JARID2: variants seen among roughly 807,000 people sequenced by gnomAD.
JARID2 encodes the protein protein Jumonji.
In JARID2, 21 loss-of-function variants were observed where a neutral mutation model predicts 125.6. The observed-to-expected ratio is 0.17, with a 90% CI of 0.12 to 0.24. The LOEUF is 0.24. JARID2 is among the 10% of genes least tolerant of loss of function. The pLI is 1.00. For synonymous variants in JARID2, 736 were observed against 661.6 expected, an observed-to-expected ratio of 1.11 and a Z score of -1.73; for missense variants, 1,303 against 1,639.6, an observed-to-expected ratio of 0.79 and a Z score of 3.55.
chr6:15,448,395 C>T (rs1186737139), intron 3 of JARID2, among the ~76,000 whole-genome samples: 5 of 152,080 alleles, frequency 3.3e-5, no homozygotes, highest in African/African-American at 7.2e-5. Flanking sequence ...TCTGTGTTTA[C>T]TTGTTTGTTT....
At chr6:15,471,634 CAG>C (rs1297580697) in intron 5 of JARID2, among the ~76,000 whole-genome samples, 3 of 152,128 alleles carry the variant, frequency 2.0e-5, no homozygotes, top group African/African-American at 7.2e-5. Context: ...CTTTGTTTTC[CAG>C]AGTGTTTGAG....
chr6:15,442,421 A>G (rs1767486577), intron 3 of JARID2, among the ~76,000 whole-genome samples: 1 of 152,216 alleles, frequency 6.6e-6, no homozygotes, highest in South Asian at 2.1e-4. Context: ...TTTTGGCCAG[A>G]TCCTGGCTGG....
rs529723741 is a variant in JARID2 at position 15,509,358 on chromosome 6, CAA to C, written c.2846+906_2846+907del. 355 of 985,378 alleles carry C rather than the reference CAA, an allele frequency of 3.6e-4. No homozygotes were observed. The African/African-American group carries it at 5.9e-3, about 16-fold the overall frequency. 61.0% of individuals were successfully genotyped at this position (985,378 alleles called of 1,614,324 possible). Reference sequence around the variant, plus strand: ...ATTAAACATTCTTTATTAAAATAAACAAAGTCTTAGGACTCGTGTTCTCCCTC... The same window carrying C: ...ATTAAACATTCTTTATTAAAATAAACAGTCTTAGGACTCGTGTTCTCCCTC... On this transcript the variant is annotated intron_variant, in intron 12 of 17. Coordinates refer to ENST00000341776, the MANE Select transcript of JARID2 (RefSeq NM_004973.4).
intron 2 of JARID2, chr6:15,401,152 TGC>T: frequency 3.0e-6 from 3 of 999,138 alleles, no homozygotes; most frequent in Non-Finnish European, 3.9e-6. Flanking sequence ...GATGGCAAGG[TGC>T]TATATATATA....
rs1164015845 is a variant in JARID2, at chr6:15,520,850, G to A, written c.*599G>A. 24 of 455,666 alleles carry A rather than the reference G, an allele frequency of 5.3e-5. No individual in the cohort carries two copies. Among genetic ancestry groups the A allele is most frequent in the Admixed American group, 4.9e-4 (21 of 42,542 alleles). The allele number at this position is 455,666 out of a possible 1,614,324, so 28.2% of individuals were successfully genotyped here. Reference sequence around the variant, plus strand: ...CGGACGTTGTTTCCTAACCATAGGTGGAACGAGGAGACGGGAGCGAGTGGG... The same window carrying A: ...CGGACGTTGTTTCCTAACCATAGGTAGAACGAGGAGACGGGAGCGAGTGGG... On this transcript the variant is annotated 3_prime_UTR_variant, in exon 18 of 18. Coordinates refer to ENST00000341776, the MANE Select transcript of JARID2 (RefSeq NM_004973.4).
chr6:15,377,307 T>G (rs961129174), intron 2 of JARID2, among the ~76,000 whole-genome samples: 11 of 152,010 alleles, frequency 7.2e-5, no homozygotes, highest in African/African-American at 2.7e-4. Context: ...AAAATGAGAT[T>G]TCGTGAGACT....
intron 5 of JARID2, among the ~76,000 whole-genome samples, chr6:15,485,263 A>C (rs1348159805): frequency 6.6e-6 from 1 of 152,210 alleles, no homozygotes; most frequent in Non-Finnish European, 1.5e-5. Context: ...ACAACCGATA[A>C]TCCAGATGGG....
chr6:15,430,786 T>C (rs1360840477), intron 3 of JARID2, among the ~76,000 whole-genome samples: 1 of 152,172 alleles, frequency 6.6e-6, no homozygotes, highest in African/African-American at 2.4e-5. Flanking sequence ...GAATGGTCTG[T>C]AGGGGCTGCT....
At chr6:15,384,240 C>T (rs934353850) in intron 2 of JARID2, among the ~76,000 whole-genome samples, 1 of 151,500 alleles carries the variant, frequency 6.6e-6, no homozygotes, top group Non-Finnish European at 1.5e-5. Flanking sequence ...GTGGGTGCCA[C>T]CACGCCCGGC....
chr6:15,299,217 A>G (rs958993242), intron 1 of JARID2, among the ~76,000 whole-genome samples: 1 of 152,202 alleles, frequency 6.6e-6, no homozygotes, highest in African/African-American at 2.4e-5. Context: ...GAGAAGGACC[A>G]AAGTCTTGTA....
rs750266791 is a variant in JARID2 at position 15,491,324 on chromosome 6, T to TGCCTTG, written c.906+3797_906+3802dup. The stretch of plus-strand genomic sequence containing the variant: ...CCAGGCATCTCTTTTAGAGCACATT[T>TGCCTTG]GCCTTGGCCTTGGCCTTGGCTAGGA... On this transcript the variant is annotated intron_variant, in intron 6 of 17. Transcript: ENST00000341776. 1.5e-3 allele frequency among the ~76,000 whole-genome samples: 229 copies of TGCCTTG among 152,348 alleles called. 4 individuals carry two copies. Among genetic ancestry groups the TGCCTTG allele is most frequent in the Admixed American group, 7.3e-3 (112 of 15,306 alleles).
intron 1 of JARID2, among the ~76,000 whole-genome samples, chr6:15,351,051 T>C (rs1203218471): frequency 6.6e-6 from 1 of 151,714 alleles, no homozygotes; most frequent in Non-Finnish European, 1.5e-5. Flanking sequence ...ATAGCAGTCA[T>C]GTTTTCAATT....
At chr6:15,505,351 T>G (rs75317010) in intron 9 of JARID2, 4 of 148,718 alleles carry the variant, frequency 2.7e-5, no homozygotes, top group South Asian at 2.1e-4. Flanking sequence ...TGCTGTGTTT[T>G]TTTTTTTTTT....
intron 1 of JARID2, among the ~76,000 whole-genome samples, chr6:15,330,863 G>A (rs901537665): frequency 1.1e-4 from 17 of 152,152 alleles, no homozygotes; most frequent in Admixed American, 2.6e-4. Context: ...CTGTCTTGGG[G>A]AGACAGAATA....
intron 3 of JARID2, among the ~76,000 whole-genome samples, chr6:15,436,977 C>T (rs1277339087): frequency 6.6e-6 from 1 of 152,104 alleles, no homozygotes; most frequent in South Asian, 2.1e-4. Flanking sequence ...CTAAATGGAA[C>T]CCTCCCAGCA....
chr6:15,410,410 T>G (rs747954930), intron 3 of JARID2, 45 bp downstream of exon 3: 10 of 1,590,782 alleles, frequency 6.3e-6, no homozygotes, highest in Non-Finnish European at 8.6e-6. Flanking sequence ...AACCAGGGAC[T>G]GCAAACTCAG....
chr6:15,326,173 T>C (rs1762527087), intron 1 of JARID2, among the ~76,000 whole-genome samples: 1 of 152,180 alleles, frequency 6.6e-6, no homozygotes, highest in Non-Finnish European at 1.5e-5. Flanking sequence ...CATGGTGAAT[T>C]TTGTTTCATT....
At chr6:15,441,892 A>G (rs1272999017) in intron 3 of JARID2, among the ~76,000 whole-genome samples, 4 of 152,134 alleles carry the variant, frequency 2.6e-5, no homozygotes, top group East Asian at 3.9e-4. Flanking sequence ...CCTGGGTTCA[A>G]GTGATTCTCC....
intron 5 of JARID2, among the ~76,000 whole-genome samples, chr6:15,469,555 C>T (rs1052920620): frequency 6.6e-6 from 1 of 150,968 alleles, no homozygotes; most frequent in African/African-American, 2.4e-5. Context: ...GCCTCATCCT[C>T]CTGAGTAGCT....
Sources: allele counts gnomAD v4.1 joint callset (sites outside exome capture counted in the v4.1 genomes callset), GRCh38; gene constraint gnomAD v4.1.1; transcripts MANE v1.5; gene names NCBI Gene and HGNC (gene_info 2026-07-23, HGNC 2026-07-21).